Variants in FGF5 observed in about 807,000 individuals in gnomAD.
FGF5 encodes the protein heparin-binding growth factor 5.
A neutral mutation model predicts 21.8 loss-of-function variants in FGF5; 23 were observed. That is an observed-to-expected ratio of 1.05 (90% confidence interval 0.76 to 1.49). FGF5 has a LOEUF of 1.49. FGF5 is among the 40% of genes most tolerant of loss of function. The pLI, the probability that FGF5 is intolerant of heterozygous loss-of-function variation, is 0.00. For synonymous variants in FGF5, 158 were observed against 124.0 expected, an observed-to-expected ratio of 1.27 and a Z score of -1.82; for missense variants, 352 against 332.9, an observed-to-expected ratio of 1.06 and a Z score of -0.45.
intron 2 of FGF5, among the ~76,000 whole-genome samples, chr4:80,284,636 G>A (rs1453458270): frequency 6.6e-6 from 1 of 152,134 alleles, no homozygotes; most frequent in Non-Finnish European, 1.5e-5. Flanking sequence ...GTAAACTATT[G>A]TACATAAAGT....
At chr4:80,280,231 G>C (rs1377932808) in intron 2 of FGF5, among the ~76,000 whole-genome samples, 4 of 152,202 alleles carry the variant, frequency 2.6e-5, no homozygotes, top group Non-Finnish European at 5.9e-5. Context: ...TAGCTATTCA[G>C]GCACAAAAAT....
rs1295619483 is a variant in FGF5, at chr4:80,288,586, A to G, written c.*1914A>G. ...GCATATGACCCTGTTTACACAGCCT[A>G]AAGCTAAAAATATTACTCTAGTTTA... On this transcript the variant is annotated 3_prime_UTR_variant, in exon 3 of 3. Transcript: ENST00000312465. The G allele has an allele frequency of 6.6e-6, 1 of 152,238 alleles. No homozygotes were observed. Among genetic ancestry groups the G allele is most frequent in the African/African-American group, 2.4e-5 (1 of 41,454 alleles). 9.4% of individuals were successfully genotyped at this position (152,238 alleles called of 1,614,324 possible). A position where few individuals can be genotyped will look rare whatever the true frequency, so the allele number is the denominator to read the frequency against.
intron 2 of FGF5, among the ~76,000 whole-genome samples, chr4:80,284,361 G>T (rs977602817): frequency 6.6e-6 from 1 of 152,158 alleles, no homozygotes; most frequent in Non-Finnish European, 1.5e-5. Flanking sequence ...TTGAGCCTGG[G>T]AGATGGAGGT....
chr4:80,283,432 AG>A (rs1347072585), intron 2 of FGF5, among the ~76,000 whole-genome samples: 1 of 152,124 alleles, frequency 6.6e-6, no homozygotes, highest in Non-Finnish European at 1.5e-5. Context: ...AAACAATTGT[AG>A]GGGGTGGGGC....
chr4:80,267,196 C>G lies in FGF5; in HGVS notation c.355+17C>G. 6.4e-7 allele frequency: 1 copy of G among 1,568,392 alleles called. No homozygotes were observed. Reference sequence around the variant, plus strand: ...ATATGTTAAGTAAGTTACTCGCTCTCCTACAAAACCCGTCCTAGGCGGCCG... The same window carrying G: ...ATATGTTAAGTAAGTTACTCGCTCTGCTACAAAACCCGTCCTAGGCGGCCG... On this transcript the variant is annotated intron_variant, in intron 1 of 2. Coordinates refer to ENST00000312465, the MANE Select transcript of FGF5 (RefSeq NM_004464.4).
chr4:80,285,292 A>G (rs927606804), intron 2 of FGF5, among the ~76,000 whole-genome samples: 1 of 152,106 alleles, frequency 6.6e-6, no homozygotes, highest in Non-Finnish European at 1.5e-5. Flanking sequence ...CTTACTTCCC[A>G]CATGCATCCT....
At position 80,277,984 on chromosome 4, in the gene FGF5, G is replaced by A. The variant is rs138654424; in HGVS notation, c.459+2972G>A. Among the ~76,000 whole-genome samples the A allele has an allele frequency of 4.6e-5, 7 of 152,130 alleles. No individual in the cohort carries two copies. The East Asian group carries it at 7.7e-4, about 17-fold the overall frequency. ...TTATCTCATTAGATAATGAGGTGACGAAAGAGTCTCATAGATGTTAAATTA... is the reference window on the plus strand; with the variant it reads ...TTATCTCATTAGATAATGAGGTGACAAAAGAGTCTCATAGATGTTAAATTA... On this transcript the variant is annotated intron_variant, in intron 2 of 2. Coordinates refer to ENST00000312465, the MANE Select transcript of FGF5 (RefSeq NM_004464.4).
In FGF5 at chr4:80,266,673, G is replaced by T. The variant is rs868184370; in HGVS notation, c.-152G>T. The T allele has an allele frequency of 1.5e-6, 1 of 645,324 alleles. No individual in the cohort carries two copies. Among genetic ancestry groups the T allele is most frequent in the Non-Finnish European group, 2.6e-6 (1 of 379,384 alleles). 40.0% of individuals were successfully genotyped at this position (645,324 alleles called of 1,614,324 possible). The stretch of plus-strand genomic sequence containing the variant: ...GCCAGCGCGGAGATCCGCTCGGGTG[G>T]CCTCTCTCTTCCCCTCTCCCCTTCT... On this transcript the variant is annotated 5_prime_UTR_variant, in exon 1 of 3. Transcript: ENST00000312465.
chr4:80,283,385 C>T (rs115878528), intron 2 of FGF5, among the ~76,000 whole-genome samples: 206 of 151,562 alleles, frequency 1.4e-3, no homozygotes, highest in African/African-American at 4.5e-3. Flanking sequence ...ATATGAATCT[C>T]GAGGAAAAGA....
intron 1 of FGF5, among the ~76,000 whole-genome samples, chr4:80,274,683 G>A (rs1323705152): frequency 6.6e-6 from 1 of 152,048 alleles, no homozygotes; most frequent in African/African-American, 2.4e-5. Flanking sequence ...TACTGATGAA[G>A]TAGAATCAAA....
chr4:80,268,014 G>C (rs1560496966), intron 1 of FGF5, among the ~76,000 whole-genome samples: 1 of 152,248 alleles, frequency 6.6e-6, no homozygotes. Flanking sequence ...AAGAAACGCA[G>C]AGGTTAAATT....
At chr4:80,267,515 T>G (rs1425356494) in intron 1 of FGF5, among the ~76,000 whole-genome samples, 1 of 152,168 alleles carries the variant, frequency 6.6e-6, no homozygotes, top group African/African-American at 2.4e-5. Flanking sequence ...TTCTTCTCAC[T>G]CAATTTGTTT....
chr4:80,267,410 C>T (rs1720127499), intron 1 of FGF5, among the ~76,000 whole-genome samples: 1 of 152,212 alleles, frequency 6.6e-6, no homozygotes, highest in Non-Finnish European at 1.5e-5. Context: ...TGTATGTTAC[C>T]TAGAGGCTGG....
chr4:80,267,733 G>GTAGGTAGATAGATAGATAGATAGA (rs1553910467), intron 1 of FGF5, among the ~76,000 whole-genome samples: 60 of 151,066 alleles, frequency 4.0e-4, no homozygotes, highest in African/African-American at 1.4e-3. Context: ...ATACACATAG[G>GTAGGTAGATAGATAGATAGATAGA]TAGATAGATA....
intron 2 of FGF5, among the ~76,000 whole-genome samples, chr4:80,282,055 T>G (rs1028394948): frequency 1.3e-5 from 2 of 152,012 alleles, no homozygotes; most frequent in African/African-American, 4.8e-5. Flanking sequence ...CTCCGCCCCC[T>G]GGGTTCAAGC....
rs1169795255 is a variant in FGF5, at chr4:80,288,464, G to A, written c.*1792G>A. The A allele has an allele frequency of 2.0e-5, 3 of 151,964 alleles. No homozygotes were observed. The allele number at this position is 151,964 out of a possible 1,614,324, so 9.4% of individuals were successfully genotyped here. On this transcript the variant is annotated 3_prime_UTR_variant, in exon 3 of 3. Transcript: ENST00000312465. ...GCATAATGTTTAAATAGCATAAAAT[G>A]AAATGCTACAAAAATTGAACTAATT...
chr4:80,285,012 T>G (rs927639356), intron 2 of FGF5, among the ~76,000 whole-genome samples: 1 of 152,160 alleles, frequency 6.6e-6, no homozygotes, highest in Non-Finnish European at 1.5e-5. Context: ...GTACAGGAAT[T>G]CTTAATTCTT....
rs1042293772 is a variant in FGF5 at position 80,288,773 on chromosome 4, T to A, written c.*2101T>A. 2.0e-5 allele frequency: 3 copies of A among 152,684 alleles called. No individual in the cohort carries two copies. The highest frequency in any genetic ancestry group is 2.1e-4 in the South Asian group (1 of 4,818). 9.5% of individuals were successfully genotyped at this position (152,684 alleles called of 1,614,324 possible). ...AAGCCACGTCAATGCATAAGTTGTA[T>A]AGGCTAAATGTTGCTTGTAGGCTAC... is the stretch of plus-strand genomic sequence containing the variant. On this transcript the variant is annotated 3_prime_UTR_variant, in exon 3 of 3. Coordinates refer to ENST00000312465, the MANE Select transcript of FGF5 (RefSeq NM_004464.4).
intron 1 of FGF5, among the ~76,000 whole-genome samples, chr4:80,273,431 T>C (rs1411597676): frequency 6.6e-6 from 1 of 152,180 alleles, no homozygotes; most frequent in Non-Finnish European, 1.5e-5. Flanking sequence ...GAATTATAGA[T>C]GTTAGCTCAC....
Sources: gnomAD v4.1 joint callset for allele counts (sites outside exome capture counted in the v4.1 genomes callset) on GRCh38, gnomAD v4.1.1 for gene constraint, MANE v1.5 for transcripts, NCBI Gene and HGNC (gene_info 2026-07-23, HGNC 2026-07-21) for gene names.